The following TMEM38B variants were observed in gnomAD, a reference collection of about 807,000 sequenced individuals.
The protein encoded by TMEM38B is trimeric intracellular cation channel type B.
In TMEM38B, 24 loss-of-function variants were observed where a neutral mutation model predicts 28.7. That is an observed-to-expected ratio of 0.84 (90% CI 0.61 to 1.18). The LOEUF is 1.18. TMEM38B is among the 50% of genes most tolerant of loss of function. The probability of loss-of-function intolerance (pLI) is 0.00; values close to 1 mark genes in which losing one functional copy is unlikely to be tolerated. For synonymous variants in TMEM38B, 131 were observed against 127.7 expected, an observed-to-expected ratio of 1.03 and a Z score of -0.17; for missense variants, 380 against 350.9, an observed-to-expected ratio of 1.08 and a Z score of -0.66.
chr9:105,768,997 T>G (rs894846908), intron 5 of TMEM38B, among the ~76,000 whole-genome samples: 3 of 152,234 alleles, frequency 2.0e-5, no homozygotes, highest in Admixed American at 2.0e-4. Flanking sequence ...TAAATTGTTT[T>G]TTAAAGTTGC....
chr9:105,735,699 G>C (rs1458649040), intron 4 of TMEM38B, among the ~76,000 whole-genome samples: 1 of 152,110 alleles, frequency 6.6e-6, no homozygotes, highest in African/African-American at 2.4e-5. Flanking sequence ...AGTTTTCTCT[G>C]GATGTTTTTA....
chr9:105,734,673 A>G (rs1214596910), intron 4 of TMEM38B, among the ~76,000 whole-genome samples: 1 of 151,978 alleles, frequency 6.6e-6, no homozygotes, highest in Non-Finnish European at 1.5e-5. Context: ...TGACTTTTTT[A>G]TCATTAAATA....
chr9:105,774,106 C>A lies in TMEM38B; in HGVS notation c.*26C>A. The A allele has an allele frequency of 1.9e-6, 3 of 1,598,696 alleles. No individual in the cohort carries two copies. Among genetic ancestry groups the A allele is most frequent in the Non-Finnish European group, 2.6e-6 (3 of 1,172,686 alleles). ...ATTTACGTGATGAGCTCTACAAGGC[C>A]AAAAATTTTTTTTCTTATCTACCTG... On this transcript the variant is annotated 3_prime_UTR_variant, in exon 6 of 6. Transcript: ENST00000374692.
chr9:105,700,442 G>C lies in TMEM38B; in HGVS notation c.113-5155G>C, dbSNP rs1835426734. 1.3e-5 allele frequency among the ~76,000 whole-genome samples: 2 copies of C among 152,120 alleles called. 1 individual carries two copies. Among genetic ancestry groups the C allele is most frequent in the Non-Finnish European group, 2.9e-5 (2 of 68,010 alleles). On this transcript the variant is annotated intron_variant, in intron 1 of 5. Coordinates refer to ENST00000374692, the MANE Select transcript of TMEM38B (RefSeq NM_018112.3). The stretch of plus-strand genomic sequence containing the variant: ...TTTTATAGATGAGGAATAGTTTTAA[G>C]GGATAAAATAACCTCCCTTAAGTCA...
chr9:105,709,200 ATACT>A (rs1226461786), intron 2 of TMEM38B, among the ~76,000 whole-genome samples: 1 of 152,176 alleles, frequency 6.6e-6, no homozygotes, highest in Non-Finnish European at 1.5e-5. Flanking sequence ...GCAAAGTTAA[ATACT>A]TATTTTGGGG....
intron 2 of TMEM38B, among the ~76,000 whole-genome samples, chr9:105,715,297 T>C (rs936022061): frequency 1.1e-4 from 16 of 152,184 alleles, no homozygotes; most frequent in African/African-American, 3.6e-4. Flanking sequence ...TCTGGTGATC[T>C]TTTAATTTTC....
chr9:105,772,554 C>T (rs1378877191), intron 5 of TMEM38B, among the ~76,000 whole-genome samples: 1 of 152,134 alleles, frequency 6.6e-6, no homozygotes, highest in Non-Finnish European at 1.5e-5. Flanking sequence ...TGTCTTTTAG[C>T]AGTTACTTTA....
chr9:105,776,119 A>G lies in TMEM38B; in HGVS notation c.*2039A>G, dbSNP rs573554167. ...ACTCCTTACCCAATGTGAAGTGTGA[A>G]TAAGGCCTATAGGCCTGCCTCACAC... On this transcript the variant is annotated 3_prime_UTR_variant, in exon 6 of 6. Coordinates refer to ENST00000374692, the MANE Select transcript of TMEM38B (RefSeq NM_018112.3). 4 of 152,316 alleles carry G rather than the reference A, an allele frequency of 2.6e-5. No individual in the cohort carries two copies. The highest frequency in any genetic ancestry group is 5.9e-5 in the Non-Finnish European group (4 of 68,022). The allele number at this position is 152,316 out of a possible 1,614,324, so 9.4% of individuals were successfully genotyped here.
Position 105,694,597 on chromosome 9 carries a change from T to C in TMEM38B, c.-64T>C. ...CCGCGGCTGTGCCCTCTCCTACTCC[T>C]CACCGCGCGAGCGCGGGGAACCAGT... is the stretch of plus-strand genomic sequence containing the variant. On this transcript the variant is annotated 5_prime_UTR_variant, in exon 1 of 6. Coordinates refer to ENST00000374692, the MANE Select transcript of TMEM38B (RefSeq NM_018112.3). 1 of 1,423,898 alleles carries C rather than the reference T, an allele frequency of 7.0e-7. No individual in the cohort carries two copies. Among genetic ancestry groups the C allele is most frequent in the Non-Finnish European group, 9.9e-7 (1 of 1,011,356 alleles). 88.2% of individuals were successfully genotyped at this position (1,423,898 alleles called of 1,614,324 possible). A position where few individuals can be genotyped will look rare whatever the true frequency, so the allele number is the denominator to read the frequency against.
intron 2 of TMEM38B, among the ~76,000 whole-genome samples, chr9:105,713,606 G>T (rs1315110465): frequency 3.9e-5 from 6 of 152,162 alleles, no homozygotes; most frequent in Admixed American, 3.3e-4. Flanking sequence ...GCCCCTTGGT[G>T]CCAACAGCCT....
At chr9:105,698,414 C>T (rs919659402) in intron 1 of TMEM38B, among the ~76,000 whole-genome samples, 3 of 151,752 alleles carry the variant, frequency 2.0e-5, no homozygotes, top group African/African-American at 7.3e-5. Context: ...TAGGATATCC[C>T]TATATCTTTA....
chr9:105,771,987 AT>A (rs2133657276), intron 5 of TMEM38B, among the ~76,000 whole-genome samples: 1 of 152,326 alleles, frequency 6.6e-6, no homozygotes, highest in South Asian at 2.1e-4. Context: ...CAAGCAGAAT[AT>A]TTTAATCATA....
At chr9:105,753,968 A>G (rs975216024) in intron 5 of TMEM38B, among the ~76,000 whole-genome samples, 1 of 152,354 alleles carries the variant, frequency 6.6e-6, no homozygotes, top group Middle Eastern at 3.4e-3. Context: ...GGGATGGAGG[A>G]AAATTTACCA....
At chr9:105,772,755 T>A (rs1826596077) in intron 5 of TMEM38B, among the ~76,000 whole-genome samples, 1 of 152,122 alleles carries the variant, frequency 6.6e-6, no homozygotes, top group African/African-American at 2.4e-5. Flanking sequence ...CACAATGTTG[T>A]GTGTGGATGT....
chr9:105,734,082 A>C (rs1836877595), intron 4 of TMEM38B, among the ~76,000 whole-genome samples: 1 of 152,038 alleles, frequency 6.6e-6, no homozygotes, highest in Non-Finnish European at 1.5e-5. Flanking sequence ...ATTTATTGCT[A>C]TAAACTTCCC....
rs1837488248 is a variant in TMEM38B, at chr9:105,747,961, C to A, written c.543-112C>A. 3 of 678,264 alleles carry A rather than the reference C, an allele frequency of 4.4e-6. No individual in the cohort carries two copies. In the South Asian group the frequency reaches 6.0e-5, roughly 14 times the overall value. 42.0% of individuals were successfully genotyped at this position (678,264 alleles called of 1,614,324 possible). A position where few individuals can be genotyped will look rare whatever the true frequency, so the allele number is the denominator to read the frequency against. ...AGTGTTTTAACAAAACTCATTTTTG[C>A]ATTACATCTATTAATAACCCATTAA... On this transcript the variant is annotated intron_variant, in intron 4 of 5. Transcript: ENST00000374692.
intron 2 of TMEM38B, among the ~76,000 whole-genome samples, chr9:105,714,245 T>C (rs1836013003): frequency 6.6e-6 from 1 of 152,152 alleles, no homozygotes; most frequent in African/African-American, 2.4e-5. Flanking sequence ...CAGGATGACC[T>C]GCCTACAAAG....
intron 4 of TMEM38B, among the ~76,000 whole-genome samples, chr9:105,723,851 T>A (rs1836415970): frequency 6.9e-6 from 1 of 145,906 alleles, no homozygotes; most frequent in Non-Finnish European, 1.5e-5. Context: ...TATTTTGTTT[T>A]GAGTCAGAGT....
At chr9:105,741,909 A>G (rs775100488) in intron 4 of TMEM38B, among the ~76,000 whole-genome samples, 1 of 152,154 alleles carries the variant, frequency 6.6e-6, no homozygotes, top group Non-Finnish European at 1.5e-5. Flanking sequence ...CTAGTGTTGA[A>G]GGGATTGGAT....
Sources: gnomAD v4.1 joint callset for allele counts (sites outside exome capture counted in the v4.1 genomes callset) on GRCh38, gnomAD v4.1.1 for gene constraint, MANE v1.5 for transcripts, NCBI Gene and HGNC (gene_info 2026-07-23, HGNC 2026-07-21) for gene names.